YIF1B: variants seen among roughly 807,000 people sequenced by gnomAD.
YIF1B encodes the protein protein YIF1B.
YIF1B carries 24 observed loss-of-function variants against 34.6 expected under a neutral mutation model. The ratio of observed to expected loss-of-function variants is 0.69; its 90% confidence interval spans 0.50 to 0.98. The LOEUF is 0.98. Ranked by LOEUF, YIF1B falls within the 50% of genes least tolerant of loss-of-function variation. The pLI is 0.00. For synonymous variants in YIF1B, 186 were observed against 184.8 expected (o/e 1.01, Z -0.05); for missense variants, 368 against 429.4 (o/e 0.86, Z 1.26).
chr19:38,304,784 CCT>C lies in YIF1B; in HGVS notation c.*566_*567del, dbSNP rs1328692189. 2.1e-5 allele frequency: 34 copies of C among 1,612,564 alleles called. No individual in the cohort carries two copies. The highest frequency in any genetic ancestry group is 1.1e-4 in the East Asian group (5 of 44,850). ...CGGGGAGGGTGCGGGGAGTGGTCCC[CCT>C]GTCTCGCTTCCAGCCCAGAACCATC... On this transcript the variant is annotated 3_prime_UTR_variant, in exon 8 of 8. Transcript: ENST00000339413.
At chr19:38,319,270 T>C (rs1969617457), upstream of YIF1B, among the ~76,000 whole-genome samples, 1 of 152,056 alleles carries the variant, frequency 6.6e-6, no homozygotes, top group Admixed American at 6.6e-5. Context: ...AGTCTCCCAG[T>C]TAGACTGGGA....
At chr19:38,313,304 G>A (rs1969401083) in intron 1 of YIF1B, among the ~76,000 whole-genome samples, 1 of 146,796 alleles carries the variant, frequency 6.8e-6, no homozygotes, top group South Asian at 2.2e-4. Flanking sequence ...TGTCACCCAG[G>A]CTGGAGTGCA....
chr19:38,316,076 G>T, upstream of YIF1B: 6 of 1,123,662 alleles, frequency 5.3e-6, no homozygotes, highest in Non-Finnish European at 6.9e-6. Flanking sequence ...ACGGAGGCCT[G>T]GACGACTGGG....
chr19:38,315,313 T>C, intron 1 of YIF1B: 3 of 976,824 alleles, frequency 3.1e-6, no homozygotes, highest in Non-Finnish European at 3.7e-6. Flanking sequence ...CTAGGCTGGG[T>C]CATGTGCCTC....
intron 1 of YIF1B, among the ~76,000 whole-genome samples, chr19:38,312,987 T>C (rs1969384725): frequency 6.6e-6 from 1 of 152,130 alleles, no homozygotes; most frequent in Non-Finnish European, 1.5e-5. Flanking sequence ...TTCTCGCTCT[T>C]GTCACCCAGG....
Position 38,305,297 on chromosome 19 carries a change from C to T in YIF1B, c.*55G>A, listed in dbSNP as rs997325387. 1.7e-5 allele frequency: 27 copies of T among 1,569,326 alleles called. No homozygotes were observed. Among genetic ancestry groups the T allele is most frequent in the Non-Finnish European group, 2.1e-5 (24 of 1,156,562 alleles). ...GCCTGCAGGCAGGAGATGAGTTCGG[C>T]GGCCACAGTGGCCCCCAGCAGCAGC... On this transcript the variant is annotated 3_prime_UTR_variant, in exon 8 of 8. Transcript: ENST00000339413.
In YIF1B at chr19:38,304,917, G is replaced by T; in HGVS notation, c.*435C>A. ...CAAGAAGCCCAAAGTGAAGAAGAAG[G>T]AGAAGGGCAAGAAGGAGAAGGGCAA... On this transcript the variant is annotated 3_prime_UTR_variant, in exon 8 of 8. Transcript: ENST00000339413. 6.3e-7 allele frequency: 1 copy of T among 1,595,488 alleles called. No homozygotes were observed. The highest frequency in any genetic ancestry group is 8.5e-7 in the Non-Finnish European group (1 of 1,171,018).
chr19:38,318,880 G>T (rs750362023), upstream of YIF1B, among the ~76,000 whole-genome samples: 4 of 152,098 alleles, frequency 2.6e-5, no homozygotes, highest in Non-Finnish European at 5.9e-5. Context: ...TTACGGGGGG[G>T]CGCAGAAAGA....
chr19:38,315,783 C>G, intron 1 of YIF1B, 77 bp downstream of exon 1: 1 of 1,565,204 alleles, frequency 6.4e-7, no homozygotes, highest in African/African-American at 1.4e-5. Flanking sequence ...TGACCTCTGA[C>G]CTGCAGTGAC....
At chr19:38,320,153 C>A (rs1483036477), upstream of YIF1B, 3 of 1,595,498 alleles carry the variant, frequency 1.9e-6, no homozygotes, top group Admixed American at 1.7e-5. Context: ...CGAGTGCTGG[C>A]GGCCGGACGG....
Position 38,303,670 on chromosome 19 carries a change from A to G in YIF1B, c.*1682T>C, listed in dbSNP as rs905916529. 2.0e-5 allele frequency among the ~76,000 whole-genome samples: 3 copies of G among 152,212 alleles called. No individual in the cohort carries two copies. Among genetic ancestry groups the G allele is most frequent in the African/African-American group, 7.2e-5 (3 of 41,458 alleles). On this transcript the variant is annotated 3_prime_UTR_variant, in exon 8 of 8. Transcript: ENST00000339413. ...CTCCTCTGACTTTCACATCAATCCC[A>G]TGGGTAGCTGTTATTTACAGATGAG...
In YIF1B at chr19:38,309,395, G is replaced by C. The variant is rs780676380; in HGVS notation, c.297+10C>G. 9 of 1,612,194 alleles carry C rather than the reference G, an allele frequency of 5.6e-6. No homozygotes were observed. The highest frequency in any genetic ancestry group is 4.0e-5 in the African/African-American group (3 of 74,910). On this transcript the variant is annotated intron_variant, in intron 2 of 7. Coordinates refer to ENST00000339413, the MANE Select transcript of YIF1B (RefSeq NM_001039672.3). The stretch of plus-strand genomic sequence containing the variant: ...GCATCCCCCCACTCCCACCAGCCCC[G>C]CCCACTCACGTTCTTATCCACCAGC...
Position 38,309,321 on chromosome 19 carries a change from C to A in YIF1B, c.305G>T (p.Arg102Leu), listed in dbSNP as rs778679590. Reference protein sequence around the residue: ...GKELVDKNIDRFIPITKLKYY... With the variant: ...GKELVDKNIDLFIPITKLKYY... ...CTTGAGCTTGGTGATGGGGATGAAGCGGTCGATCTGGGGAGGCAGAGCTCA... is the reference window on the plus strand; with the variant it reads ...CTTGAGCTTGGTGATGGGGATGAAGAGGTCGATCTGGGGAGGCAGAGCTCA... The change falls in exon 3 of 8, where the codon CGC becomes CTC. Residue 102 changes from arginine (R) to leucine (L), a missense_variant. By Grantham distance (102) the Arg-to-Leu change is moderately radical. Coordinates refer to ENST00000339413, the MANE Select transcript of YIF1B (RefSeq NM_001039672.3). The A allele has an allele frequency of 2.5e-6, 4 of 1,614,036 alleles. No homozygotes were observed. In the East Asian group the frequency reaches 8.9e-5, roughly 36 times the overall value.
Position 38,308,790 on chromosome 19 carries a change from A to G in YIF1B, c.539+2T>C. The G allele has an allele frequency of 2.5e-6, 4 of 1,613,682 alleles. No individual in the cohort carries two copies. The highest frequency in any genetic ancestry group is 3.4e-6 in the Non-Finnish European group (4 of 1,179,820). On this transcript the variant is annotated splice_donor_variant, in intron 5 of 7. Transcript: ENST00000339413. LOFTEE classifies it high-confidence loss of function. ...ATTCGGCCTGCCCCAGGCCTCCCTTACCTATCCTGGGTCCCCAGCGCAAGA... is the reference window on the plus strand; with the variant it reads ...ATTCGGCCTGCCCCAGGCCTCCCTTGCCTATCCTGGGTCCCCAGCGCAAGA...
rs1198518379 is a variant in YIF1B, at chr19:38,304,573, C to T, written c.*779G>A. On this transcript the variant is annotated 3_prime_UTR_variant, in exon 8 of 8. Transcript: ENST00000339413. ...CCAGGGTCCTGCCTTAGGCCTCCAA[C>T]TTCAGGGGGCTGGGTAAGGGGCGCC... 4 of 1,609,980 alleles carry T rather than the reference C, an allele frequency of 2.5e-6. No homozygotes were observed. Among genetic ancestry groups the T allele is most frequent in the Middle Eastern group, 1.7e-4 (1 of 6,060 alleles).
At chr19:38,305,974 C>A (rs113122421) in intron 7 of YIF1B, among the ~76,000 whole-genome samples, 2 of 152,158 alleles carry the variant, frequency 1.3e-5, no homozygotes, top group Admixed American at 1.3e-4. Flanking sequence ...GAAGCCAAGG[C>A]GGGCGGATCA....
chr19:38,310,570 T>C (rs1196370649), intron 1 of YIF1B, among the ~76,000 whole-genome samples: 2 of 152,158 alleles, frequency 1.3e-5, no homozygotes, highest in African/African-American at 4.8e-5. Flanking sequence ...ATGATGATTA[T>C]CTCAAAAGCT....
upstream of YIF1B, among the ~76,000 whole-genome samples, chr19:38,318,453 T>C (rs1969608334): frequency 6.6e-6 from 1 of 151,964 alleles, no homozygotes. Context: ...TTGGCTAATT[T>C]TTGTATTTTT....
At position 38,315,866 on chromosome 19, in the gene YIF1B, T is replaced by C. The variant is rs759083607; in HGVS notation, c.52A>G (p.Lys18Glu). ...AAAAGTPRLR[K>E]WPSKRRIPVS... ...TCCTCCGCCGGCCACGTACGCCACT[T>C]ACGCAGCCGGGGCGTCCCCGCAGCC... Residue 18 changes from lysine (K) to glutamate (E), a missense_variant, in exon 1 of 8, where the codon AAG (lysine) becomes GAG (glutamate). By Grantham distance (56) the Lys-to-Glu change is moderately conservative. Coordinates refer to ENST00000339413, the MANE Select transcript of YIF1B (RefSeq NM_001039672.3). 1.3e-6 allele frequency: 2 copies of C among 1,500,616 alleles called. No homozygotes were observed. The highest frequency in any genetic ancestry group is 1.8e-6 in the Non-Finnish European group (2 of 1,133,712). 93.0% of individuals were successfully genotyped at this position (1,500,616 alleles called of 1,614,324 possible).
Sources: allele counts gnomAD v4.1 joint callset (sites outside exome capture counted in the v4.1 genomes callset), GRCh38; gene constraint gnomAD v4.1.1; transcripts MANE v1.5; gene names NCBI Gene and HGNC (gene_info 2026-07-23, HGNC 2026-07-21).